The following NHSL2 variants were observed in gnomAD, a reference collection of about 807,000 sequenced individuals.
NHSL2 encodes the protein NHS like 2.
A neutral mutation model predicts 53.4 loss-of-function variants in NHSL2; 27 were observed. The ratio of observed to expected loss-of-function variants is 0.51; its 90% confidence interval spans 0.37 to 0.70. The LOEUF is 0.70. Ranked by LOEUF, NHSL2 falls within the 30% of genes least tolerant of loss-of-function variation. The probability of loss-of-function intolerance (pLI) is 0.00; values close to 1 mark genes in which losing one functional copy is unlikely to be tolerated. For missense variants in NHSL2, 892 were observed against 980.1 expected, an observed-to-expected ratio of 0.91 and a Z score of 1.20; for synonymous variants, 408 against 404.1, an observed-to-expected ratio of 1.01 and a Z score of -0.12.
intron 1 of NHSL2, among the ~76,000 whole-genome samples, chrX:71,919,254 C>T (rs1806774464): frequency 8.9e-6 from 1 of 112,097 alleles, no homozygotes; most frequent in African/African-American, 3.2e-5. Context: ...GTCCCACTTG[C>T]CCAGCACCTA....
chrX:72,073,960 T>C lies in NHSL2; in HGVS notation c.281-58119T>C, dbSNP rs888144112. On this transcript the variant is annotated intron_variant, in intron 1 of 7. Coordinates refer to ENST00000633930, the MANE Select transcript of NHSL2 (RefSeq NM_001013627.3). The stretch of plus-strand genomic sequence containing the variant: ...ATCGTTTGATGGCATATTTGTATTA[T>C]TGGAATAACTGAACTCATTGGGGAC... 9.8e-5 allele frequency among the ~76,000 whole-genome samples: 11 copies of C among 112,542 alleles called. No homozygotes were observed. The South Asian group carries it at 1.5e-3, about 15-fold the overall frequency.
Position 72,007,824 on chromosome X carries a change from C to G in NHSL2, c.280+96457C>G, listed in dbSNP as rs865779993. Among the ~76,000 whole-genome samples, 31 of 113,233 alleles carry G rather than the reference C, an allele frequency of 2.7e-4. 1 individual carries two copies. Among genetic ancestry groups the G allele is most frequent in the African/African-American group, 9.6e-4 (30 of 31,224 alleles). On this transcript the variant is annotated intron_variant, in intron 1 of 7. Transcript: ENST00000633930. The stretch of plus-strand genomic sequence containing the variant: ...ACCCAGAGGTTGGCAGCAGTTTGCT[C>G]TCCATTCTGGCTGACTTTGGCTGTG...
rs1053948127 is a variant in NHSL2, at chrX:72,030,561, C to T, written c.281-101518C>T. On this transcript the variant is annotated intron_variant, in intron 1 of 7. Transcript: ENST00000633930. ...CACCCAGATCAAAATATAGAACATT[C>T]GCAGCACCCCAGAAGGCTTACTTTT... Among the ~76,000 whole-genome samples, 14 of 111,525 alleles carry T rather than the reference C, an allele frequency of 1.3e-4. 1 individual carries two copies. Among genetic ancestry groups the T allele is most frequent in the African/African-American group, 3.9e-4 (12 of 30,645 alleles).
intron 1 of NHSL2, among the ~76,000 whole-genome samples, chrX:71,994,999 C>A (rs1038292868): frequency 8.9e-6 from 1 of 111,745 alleles, no homozygotes; most frequent in Non-Finnish European, 1.9e-5. Context: ...CAAACCAGAC[C>A]CCTGGCCTTG....
chrX:72,124,321 A>T lies in NHSL2; in HGVS notation c.281-7758A>T. Reference sequence around the variant, plus strand: ...GGCACATCTCTCTCAAATGGGTGTCACCTGCTGTCTGAGGCAGGTATCCAG... The same window carrying T: ...GGCACATCTCTCTCAAATGGGTGTCTCCTGCTGTCTGAGGCAGGTATCCAG... On this transcript the variant is annotated intron_variant, in intron 1 of 7. Coordinates refer to ENST00000633930, the MANE Select transcript of NHSL2 (RefSeq NM_001013627.3). Among the ~76,000 whole-genome samples, 2 of 110,666 alleles carry T rather than the reference A, an allele frequency of 1.8e-5. 1 individual carries two copies.
chrX:71,937,140 G>T (rs2041742882), intron 1 of NHSL2, among the ~76,000 whole-genome samples: 1 of 112,099 alleles, frequency 8.9e-6, no homozygotes, highest in Non-Finnish European at 1.9e-5. Flanking sequence ...GACAGTTGAG[G>T]AGTTACAGGT....
rs1317944516 is a variant in NHSL2, at chrX:72,149,904, T to C, written c.*6330T>C. The stretch of plus-strand genomic sequence containing the variant: ...AGGCCCAGAAAGGTCAAATAACTTA[T>C]ATACAAGGTCACACAGTGAGTCAGT... On this transcript the variant is annotated 3_prime_UTR_variant, in exon 8 of 8. Coordinates refer to ENST00000633930, the MANE Select transcript of NHSL2 (RefSeq NM_001013627.3). 8.9e-6 allele frequency: 1 copy of C among 112,448 alleles called. No homozygotes were observed. The highest frequency in any genetic ancestry group is 1.9e-5 in the Non-Finnish European group (1 of 53,294). The allele number at this position is 112,448 out of a possible 1,213,427, so 9.3% of individuals were successfully genotyped here. A position where few individuals can be genotyped will look rare whatever the true frequency, so the allele number is the denominator to read the frequency against.
rs1329296305 is a variant in NHSL2, at chrX:72,144,199, A to G, written c.*625A>G. On this transcript the variant is annotated 3_prime_UTR_variant, in exon 8 of 8. Transcript: ENST00000633930. ...TGTCCTGAAACTTAATGCCTTTTTC[A>G]GTTTGATTGTCTACATGGAGATCAG... 2 of 142,518 alleles carry G rather than the reference A, an allele frequency of 1.4e-5. No individual in the cohort carries two copies. The highest frequency in any genetic ancestry group is 6.4e-5 in the African/African-American group (2 of 31,284). 11.7% of individuals were successfully genotyped at this position (142,518 alleles called of 1,213,427 possible). A position where few individuals can be genotyped will look rare whatever the true frequency, so the allele number is the denominator to read the frequency against.
At chrX:72,131,932 G>A (rs774857906) in intron 1 of NHSL2, 147 bp from the exon 2 acceptor site, 518 of 533,510 alleles carry the variant, frequency 9.7e-4, no homozygotes, top group Non-Finnish European at 1.4e-3. Flanking sequence ...TCTTGCGGCC[G>A]GCGATTCCCC....
chrX:72,066,576 G>C (rs2042431086), intron 1 of NHSL2, among the ~76,000 whole-genome samples: 1 of 111,453 alleles, frequency 9.0e-6, no homozygotes, highest in Admixed American at 9.5e-5. Flanking sequence ...AAGAAGCTCA[G>C]ATGAGAAGAG....
chrX:71,981,431 A>T (rs1268400843), intron 1 of NHSL2, among the ~76,000 whole-genome samples: 2 of 108,974 alleles, frequency 1.8e-5, no homozygotes, highest in Admixed American at 2.0e-4. Flanking sequence ...CTGTAGTCCC[A>T]GCTACTCAGG....
intron 1 of NHSL2, among the ~76,000 whole-genome samples, chrX:71,920,274 G>A (rs2041650745): frequency 9.0e-6 from 1 of 111,676 alleles, no homozygotes; most frequent in African/African-American, 3.3e-5. Context: ...AATTACAGCC[G>A]TAGACTCATA....
At chrX:72,036,787 A>G (rs1222169949) in intron 1 of NHSL2, among the ~76,000 whole-genome samples, 1 of 111,502 alleles carries the variant, frequency 9.0e-6, no homozygotes, top group Non-Finnish European at 1.9e-5. Context: ...CCATCCACTG[A>G]GTTTTTAATT....
intron 1 of NHSL2, among the ~76,000 whole-genome samples, chrX:71,937,475 T>A (rs1234068890): frequency 8.9e-6 from 1 of 111,833 alleles, no homozygotes; most frequent in Non-Finnish European, 1.9e-5. Flanking sequence ...GCTGTTTGCA[T>A]CCAGATAATC....
chrX:72,113,522 G>A (rs1482186748), intron 1 of NHSL2, among the ~76,000 whole-genome samples: 1 of 111,939 alleles, frequency 8.9e-6, no homozygotes, highest in African/African-American at 3.3e-5. Context: ...GTGGGAGCAG[G>A]CTGGACAGGA....
chrX:72,042,174 C>T (rs2042278083), intron 1 of NHSL2, among the ~76,000 whole-genome samples: 1 of 112,921 alleles, frequency 8.9e-6, no homozygotes, highest in Admixed American at 9.3e-5. Flanking sequence ...GCCCTGCCCC[C>T]AGATGTTCTA....
chrX:71,926,048 A>T (rs977918770), intron 1 of NHSL2, among the ~76,000 whole-genome samples: 4 of 111,954 alleles, frequency 3.6e-5, no homozygotes, highest in African/African-American at 1.3e-4. Flanking sequence ...CAATGAGATT[A>T]AAAAAAGAGT....
At chrX:71,980,452 C>G (rs2041970594) in intron 1 of NHSL2, among the ~76,000 whole-genome samples, 1 of 110,992 alleles carries the variant, frequency 9.0e-6, no homozygotes, top group African/African-American at 3.3e-5. Context: ...GGGCTCACAT[C>G]TTGCCCAACA....
At chrX:72,124,400 CTA>C (rs1339742915) in intron 1 of NHSL2, among the ~76,000 whole-genome samples, 5 of 111,638 alleles carry the variant, frequency 4.5e-5, no homozygotes, top group African/African-American at 1.6e-4. Flanking sequence ...GTCACGCATG[CTA>C]TGTTTCTTGA....
Sources: allele counts gnomAD v4.1 joint callset (sites outside exome capture counted in the v4.1 genomes callset), GRCh38; gene constraint gnomAD v4.1.1; transcripts MANE v1.5; gene names NCBI Gene and HGNC (gene_info 2026-07-23, HGNC 2026-07-21).